The following PDE8A variants were observed in gnomAD, a reference collection of about 807,000 sequenced individuals.
PDE8A encodes the protein phosphodiesterase 8A.
PDE8A carries 59 observed loss-of-function variants against 105.0 expected under a neutral mutation model. The observed-to-expected ratio is 0.56, with a 90% CI of 0.46 to 0.70. PDE8A has a LOEUF of 0.70. Among genes scored for constraint, PDE8A ranks in the 30% least tolerant of loss-of-function variants. The pLI is 0.00. For missense variants in PDE8A, 1,014 were observed against 1,045.9 expected, an observed-to-expected ratio of 0.97 and a Z score of 0.42; for synonymous variants, 355 against 371.9, an observed-to-expected ratio of 0.95 and a Z score of 0.52.
chr15:84,993,173 G>A (rs576423206), intron 1 of PDE8A, among the ~76,000 whole-genome samples: 2 of 152,190 alleles, frequency 1.3e-5, no homozygotes, highest in Non-Finnish European at 2.9e-5. Flanking sequence ...GCTGGGCGTG[G>A]TGGCTCATGC....
chr15:85,003,862 TTCA>T (rs1215294947), intron 1 of PDE8A, among the ~76,000 whole-genome samples: 1 of 152,218 alleles, frequency 6.6e-6, no homozygotes, highest in African/African-American at 2.4e-5. Context: ...AAAGCAGTGA[TTCA>T]GGGACTAAGG....
chr15:85,123,318 A>T, intron 19 of PDE8A, 125 bp downstream of exon 19: 3 of 723,504 alleles, frequency 4.1e-6, no homozygotes, highest in Non-Finnish European at 7.2e-6. Flanking sequence ...AGACTCTTAC[A>T]GGGACAGAAC....
chr15:85,012,879 T>C (rs933075825), intron 1 of PDE8A, among the ~76,000 whole-genome samples: 2 of 152,164 alleles, frequency 1.3e-5, no homozygotes, highest in African/African-American at 4.8e-5. Flanking sequence ...GAAGGAAATA[T>C]AATATTATAT....
rs118150139 is a variant in PDE8A, at chr15:84,995,214, A to G, written c.186+12866A>G. Among the ~76,000 whole-genome samples, 343 of 152,202 alleles carry G rather than the reference A, an allele frequency of 2.3e-3. 2 individuals carry two copies. The highest frequency in any genetic ancestry group is 4.1e-3 in the Non-Finnish European group (280 of 68,010). The stretch of plus-strand genomic sequence containing the variant: ...TCCAGAAAGTTTCATTATGCTCCTT[A>G]TTGGACAATCTCTTCTTGCAACCAC... On this transcript the variant is annotated intron_variant, in intron 1 of 21. Transcript: ENST00000394553.
At chr15:85,123,261 A>G (rs1436139848) in intron 19 of PDE8A, 68 bp downstream of exon 19, 4 of 1,481,226 alleles carry the variant, frequency 2.7e-6, no homozygotes, top group South Asian at 1.2e-5. Context: ...ATGGAGACAC[A>G]TGGGCTATGA....
At chr15:85,055,294 G>A (rs2081042644) in intron 1 of PDE8A, among the ~76,000 whole-genome samples, 1 of 152,166 alleles carries the variant, frequency 6.6e-6, no homozygotes, top group African/African-American at 2.4e-5. Flanking sequence ...TTGTTGATTT[G>A]GGGTGGAGAG....
rs1160124093 is a variant in PDE8A at position 85,000,568 on chromosome 15, G to T, written c.186+18220G>T. 3.3e-5 allele frequency among the ~76,000 whole-genome samples: 5 copies of T among 152,206 alleles called. No homozygotes were observed. The East Asian group carries it at 9.6e-4, about 29-fold the overall frequency. ...TGTAGGCTGGCTGGAGGTGGTCTCT[G>T]TTCAGGGTTATTATGAACTGGCCTT... On this transcript the variant is annotated intron_variant, in intron 1 of 21. Transcript: ENST00000394553.
At chr15:85,059,357 C>G (rs148360741) in intron 1 of PDE8A, among the ~76,000 whole-genome samples, 61 of 152,250 alleles carry the variant, frequency 4.0e-4, no homozygotes, top group African/African-American at 1.5e-3. Context: ...GTAGCACATT[C>G]TGTATATGTC....
At position 85,113,547 on chromosome 15, in the gene PDE8A, C is replaced by T. The variant is rs1053274395; in HGVS notation, c.1185+100C>T. The stretch of plus-strand genomic sequence containing the variant: ...AGAAACAGGGACCCGCAGTAATGAG[C>T]ATGCTGTCATAGTTGTGTGGTGCTA... On this transcript the variant is annotated intron_variant, in intron 13 of 21. Coordinates refer to ENST00000394553, the MANE Select transcript of PDE8A (RefSeq NM_002605.3). 4 of 1,024,014 alleles carry T rather than the reference C, an allele frequency of 3.9e-6. No homozygotes were observed. In the Admixed American group the frequency reaches 6.9e-5, roughly 18 times the overall value. The allele number at this position is 1,024,014 out of a possible 1,614,324, so 63.4% of individuals were successfully genotyped here.
rs1430227000 is a variant in PDE8A, at chr15:85,073,174, A to G, written c.435-2688A>G. Among the ~76,000 whole-genome samples the G allele has an allele frequency of 2.0e-5, 3 of 152,288 alleles. No homozygotes were observed. In the East Asian group the frequency reaches 5.8e-4, roughly 29 times the overall value. ...TACTTAACACTGCTTTCAGAATCTC[A>G]TTCTACAGGATCGCACTCCATCTTT... On this transcript the variant is annotated intron_variant, in intron 3 of 21. Transcript: ENST00000394553.
intron 15 of PDE8A, 60 bp downstream of exon 15, chr15:85,115,547 G>A (rs1168670373): frequency 1.1e-5 from 9 of 837,202 alleles, no homozygotes; most frequent in African/African-American, 1.1e-4. Flanking sequence ...TCTAGCTTAA[G>A]TGATGAAAAT....
intron 1 of PDE8A, among the ~76,000 whole-genome samples, chr15:85,043,681 TTTGTTTG>T (rs1456530442): frequency 1.5e-4 from 4 of 26,688 alleles, no homozygotes; most frequent in East Asian, 2.1e-3. Flanking sequence ...TTAATGGTTT[TTTGTTTG>T]TTTGTTTGTT....
rs576545278 is a variant in PDE8A, at chr15:85,138,569, T to C, written c.*666T>C. 2.6e-5 allele frequency: 4 copies of C among 152,778 alleles called. No homozygotes were observed. In the East Asian group the frequency reaches 5.8e-4, roughly 22 times the overall value. The allele number at this position is 152,778 out of a possible 1,614,324, so 9.5% of individuals were successfully genotyped here. ...ATGCATTACTTGGTATACAGACTTA[T>C]TTTCATAATGCAAATTAATAAAATG... On this transcript the variant is annotated 3_prime_UTR_variant, in exon 22 of 22. Coordinates refer to ENST00000394553, the MANE Select transcript of PDE8A (RefSeq NM_002605.3).
At chr15:85,080,704 G>C (rs148021748) in intron 5 of PDE8A, among the ~76,000 whole-genome samples, 4 of 152,190 alleles carry the variant, frequency 2.6e-5, no homozygotes, top group East Asian at 1.9e-4. Context: ...AGTAAATCAT[G>C]GTCCTTATAT....
chr15:85,064,190 C>A (rs952806031), intron 1 of PDE8A, 180 bp from the exon 2 acceptor site: 2 of 487,552 alleles, frequency 4.1e-6, no homozygotes, highest in African/African-American at 4.0e-5. Context: ...CCCACTTTTC[C>A]TGGGGGCTAT....
At chr15:85,112,883 G>C (rs181897991) in intron 12 of PDE8A, among the ~76,000 whole-genome samples, 1 of 152,236 alleles carries the variant, frequency 6.6e-6, no homozygotes, top group African/African-American at 2.4e-5. Context: ...AATCAGTCCA[G>C]ATTAAACATA....
chr15:85,083,485 A>C, intron 5 of PDE8A, 71 bp from the exon 6 acceptor site: 1 of 871,994 alleles, frequency 1.1e-6, no homozygotes, highest in South Asian at 1.4e-5. Context: ...GTTTGTTTAA[A>C]GAGTTATTTT....
At chr15:85,118,435 C>T (rs868451653) in intron 17 of PDE8A, among the ~76,000 whole-genome samples, 15 of 151,850 alleles carry the variant, frequency 9.9e-5, no homozygotes, top group Admixed American at 9.8e-4. Flanking sequence ...CCCAGTGAGG[C>T]CCCCCGCAAT....
chr15:85,076,700 T>TA (rs2081385011), intron 4 of PDE8A, 33 bp from the exon 5 acceptor site: 7 of 1,378,118 alleles, frequency 5.1e-6, no homozygotes, highest in East Asian at 2.3e-5. Flanking sequence ...TGATAAAAAC[T>TA]ATGTCTATGT....
Sources: gnomAD v4.1 joint callset for allele counts (sites outside exome capture counted in the v4.1 genomes callset) on GRCh38, gnomAD v4.1.1 for gene constraint, MANE v1.5 for transcripts, NCBI Gene and HGNC (gene_info 2026-07-23, HGNC 2026-07-21) for gene names.